Variants in ZNF521 observed in about 807,000 individuals in gnomAD.
The protein encoded by ZNF521 is zinc finger protein 521, also known as LYST-interacting protein 3.
Under a neutral mutation model 105.5 loss-of-function variants are expected in ZNF521, and 14 were observed. The ratio of observed to expected loss-of-function variants is 0.13; its 90% CI spans 0.09 to 0.21. The LOEUF is 0.21. Ranked by LOEUF, ZNF521 falls within the 10% of genes least tolerant of loss-of-function variation. ZNF521 has a pLI of 1.00. For missense variants in ZNF521, 1,233 were observed against 1,629.7 expected, an observed-to-expected ratio of 0.76 and a Z score of 4.19; for synonymous variants, 635 against 606.0, an observed-to-expected ratio of 1.05 and a Z score of -0.70.
chr18:25,201,173 A>C (rs1474304537), intron 4 of ZNF521: 4 of 151,998 alleles, frequency 2.6e-5, no homozygotes. Flanking sequence ...TGCTGCAGGG[A>C]TAGAGAGACA....
At chr18:25,168,078 C>T (rs1459723495) in intron 5 of ZNF521, among the ~76,000 whole-genome samples, 2 of 152,170 alleles carry the variant, frequency 1.3e-5, no homozygotes, top group Non-Finnish European at 2.9e-5. Context: ...GATCCATTTC[C>T]TCTCTCCAGG....
intron 5 of ZNF521, among the ~76,000 whole-genome samples, chr18:25,119,927 A>G (rs2144342549): frequency 6.6e-6 from 1 of 152,326 alleles, no homozygotes; most frequent in African/African-American, 2.4e-5. Flanking sequence ...AAACTTAGCT[A>G]AACTGATTGG....
intron 2 of ZNF521, among the ~76,000 whole-genome samples, chr18:25,329,310 T>G (rs941930485): frequency 2.0e-5 from 3 of 152,172 alleles, no homozygotes; most frequent in African/African-American, 7.2e-5. Flanking sequence ...AACTTATCAC[T>G]TTTCTGCATA....
chr18:25,130,922 G>T (rs1386783738), intron 5 of ZNF521, among the ~76,000 whole-genome samples: 1 of 151,652 alleles, frequency 6.6e-6, no homozygotes, highest in African/African-American at 2.4e-5. Flanking sequence ...CAGCCTGGGT[G>T]AAAGAATGAG....
chr18:25,307,917 C>A (rs1912068642), intron 3 of ZNF521, among the ~76,000 whole-genome samples: 1 of 151,980 alleles, frequency 6.6e-6, no homozygotes, highest in South Asian at 2.1e-4. Flanking sequence ...AGTGGATACC[C>A]CAGGCCAGGC....
intron 4 of ZNF521, among the ~76,000 whole-genome samples, chr18:25,199,559 T>G (rs2035957951): frequency 6.6e-6 from 1 of 151,950 alleles, no homozygotes; most frequent in Non-Finnish European, 1.5e-5. Context: ...TATTTAGGGA[T>G]GAAATATTTG....
chr18:25,323,154 T>C (rs1377086136), intron 2 of ZNF521, among the ~76,000 whole-genome samples: 3 of 152,028 alleles, frequency 2.0e-5, no homozygotes, highest in South Asian at 2.1e-4. Flanking sequence ...AATGGGATAA[T>C]ACAATCAGTG....
At chr18:25,262,665 T>C (rs1908990693) in intron 3 of ZNF521, among the ~76,000 whole-genome samples, 1 of 152,166 alleles carries the variant, frequency 6.6e-6, no homozygotes. Flanking sequence ...TTTTTTGATA[T>C]GGCAAATAAA....
intron 5 of ZNF521, among the ~76,000 whole-genome samples, chr18:25,172,964 A>C (rs1249434782): frequency 6.6e-6 from 1 of 152,206 alleles, no homozygotes; most frequent in Non-Finnish European, 1.5e-5. Flanking sequence ...ATCCCAAGGA[A>C]CTGAAGTTGC....
At chr18:25,244,312 A>T (rs970169270) in intron 3 of ZNF521, among the ~76,000 whole-genome samples, 24 of 144,960 alleles carry the variant, frequency 1.7e-4, no homozygotes, top group Admixed American at 7.5e-4. Flanking sequence ...ACACACACAC[A>T]CTCTCACCCT....
At chr18:25,307,408 A>G (rs761705067) in intron 3 of ZNF521, among the ~76,000 whole-genome samples, 12 of 152,230 alleles carry the variant, frequency 7.9e-5, no homozygotes, top group South Asian at 4.1e-4. Context: ...CGCTGGTTGC[A>G]GGGAATGGAG....
chr18:25,083,015 G>C (rs1287059438), intron 7 of ZNF521, among the ~76,000 whole-genome samples: 1 of 152,092 alleles, frequency 6.6e-6, no homozygotes, highest in East Asian at 1.9e-4. Context: ...AGCCTCGCTT[G>C]GAGGAAAATA....
chr18:25,067,745 A>C (rs1477289713), intron 7 of ZNF521, among the ~76,000 whole-genome samples: 1 of 152,170 alleles, frequency 6.6e-6, no homozygotes, highest in Non-Finnish European at 1.5e-5. Flanking sequence ...CTAGAGTTGA[A>C]AAATTAAATT....
Position 25,333,820 on chromosome 18 carries a change from C to T in ZNF521, c.41-11633G>A, listed in dbSNP as rs112878106. Among the ~76,000 whole-genome samples, 6 of 152,352 alleles carry T rather than the reference C, an allele frequency of 3.9e-5. 1 individual carries two copies. The highest frequency in any genetic ancestry group is 1.4e-4 in the African/African-American group (6 of 41,592). On this transcript the variant is annotated intron_variant, in intron 2 of 7. Transcript: ENST00000361524. ...GAATTTGTTTCTCCTCTATCTGCTTCATGGTGTGTTTAATACAGGCAGTGT... is the reference window on the plus strand; with the variant it reads ...GAATTTGTTTCTCCTCTATCTGCTTTATGGTGTGTTTAATACAGGCAGTGT...
intron 7 of ZNF521, among the ~76,000 whole-genome samples, chr18:25,068,247 C>T (rs1277568978): frequency 6.6e-6 from 1 of 152,186 alleles, no homozygotes; most frequent in Non-Finnish European, 1.5e-5. Context: ...CAGATGGTGA[C>T]AGCACCATGG....
chr18:25,179,502 T>G (rs2035595215), intron 5 of ZNF521, among the ~76,000 whole-genome samples: 2 of 152,132 alleles, frequency 1.3e-5, no homozygotes, highest in African/African-American at 4.8e-5. Flanking sequence ...GTATATGTGT[T>G]TGTTTTAAAC....
chr18:25,298,778 T>C (rs549364852), intron 3 of ZNF521, among the ~76,000 whole-genome samples: 20 of 152,230 alleles, frequency 1.3e-4, no homozygotes, highest in East Asian at 1.2e-3. Context: ...GGAAATACCA[T>C]CTTATACTGT....
At chr18:25,065,320 G>A (rs930122167) in intron 7 of ZNF521, among the ~76,000 whole-genome samples, 8 of 152,210 alleles carry the variant, frequency 5.3e-5, no homozygotes, top group African/African-American at 1.9e-4. Flanking sequence ...GAATATAGGT[G>A]ACTAAGCTAG....
rs1375624395 is a variant in ZNF521 at position 25,127,929 on chromosome 18, T to C, written c.3659-35848A>G. 2.6e-5 allele frequency among the ~76,000 whole-genome samples: 4 copies of C among 152,154 alleles called. No individual in the cohort carries two copies. The East Asian group carries it at 7.7e-4, about 29-fold the overall frequency. On this transcript the variant is annotated intron_variant, in intron 5 of 7. Coordinates refer to ENST00000361524, the MANE Select transcript of ZNF521 (RefSeq NM_015461.3). The stretch of plus-strand genomic sequence containing the variant: ...AATGACACCAATTCTCTAAAATTTG[T>C]TTCAGAAAACAGAATCAGAGAGAAC...
Sources: gnomAD v4.1 joint callset for allele counts (sites outside exome capture counted in the v4.1 genomes callset) on GRCh38, gnomAD v4.1.1 for gene constraint, MANE v1.5 for transcripts, NCBI Gene and HGNC (gene_info 2026-07-23, HGNC 2026-07-21) for gene names.